The following CCNE2 variants were observed in gnomAD, a reference collection of about 807,000 sequenced individuals.
CCNE2 encodes the protein G1/S-specific cyclin-E2.
CCNE2 carries 18 observed loss-of-function variants against 56.8 expected under a neutral mutation model. The ratio of observed to expected loss-of-function variants is 0.32; its 90% CI spans 0.22 to 0.47. The LOEUF (loss-of-function observed/expected upper bound fraction) is 0.47. Ranked by LOEUF, CCNE2 falls within the 20% of genes least tolerant of loss-of-function variation. CCNE2 has a pLI of 1.00. For synonymous variants in CCNE2, 139 were observed against 149.2 expected (o/e 0.93, Z 0.50); for missense variants, 371 against 467.1 (o/e 0.79, Z 1.90).
intron 5 of CCNE2, among the ~76,000 whole-genome samples, 193 bp from the exon 6 acceptor site, chr8:94,890,743 G>A (rs1280492292): frequency 6.6e-6 from 1 of 151,776 alleles, no homozygotes; most frequent in East Asian, 1.9e-4. Context: ...ACAGGTGCCT[G>A]CCACCAAGCC....
upstream of CCNE2, chr8:94,896,602 C>G (rs1020619678): frequency 6.6e-6 from 1 of 152,006 alleles, no homozygotes; most frequent in African/African-American, 2.4e-5. Context: ...CGCGGTAGCT[C>G]GGGCGGGCCG....
chr8:94,882,893 C>CT lies in CCNE2; in HGVS notation c.832-2dup, dbSNP rs1255544789. On this transcript the variant is annotated splice_acceptor_variant, in intron 9 of 11. Coordinates refer to ENST00000308108, the MANE Select transcript of CCNE2 (RefSeq NM_057749.3). LOFTEE classifies it high-confidence loss of function. ...TGGCTAGAATACACAGATCTAAAAG[C>CT]TAACAGGAAAAACAAAAGTACAAGC... 5 of 1,597,502 alleles carry CT rather than the reference C, an allele frequency of 3.1e-6. No individual in the cohort carries two copies. The highest frequency in any genetic ancestry group is 4.3e-6 in the Non-Finnish European group (5 of 1,165,852).
Position 94,885,206 on chromosome 8 carries a change from T to G in CCNE2, c.697-5A>C. 2 of 1,612,836 alleles carry G rather than the reference T, an allele frequency of 1.2e-6. No individual in the cohort carries two copies. The highest frequency in any genetic ancestry group is 1.7e-6 in the Non-Finnish European group (2 of 1,179,272). ...ACAAAGTTCCCATTTTAAAGCCTATTAAACAAAATTTAAAAATGCCTGTTA... is the reference window on the plus strand; with the variant it reads ...ACAAAGTTCCCATTTTAAAGCCTATGAAACAAAATTTAAAAATGCCTGTTA... On this transcript the variant is annotated splice_region_variant and splice_polypyrimidine_tract_variant and intron_variant, in intron 8 of 11. Coordinates refer to ENST00000308108, the MANE Select transcript of CCNE2 (RefSeq NM_057749.3).
chr8:94,885,701 G>T, intron 7 of CCNE2, 143 bp from the exon 8 acceptor site: 1 of 372,840 alleles, frequency 2.7e-6, no homozygotes, highest in Non-Finnish European at 4.9e-6. Context: ...GGAGAAATAA[G>T]CAAAGACAAA....
At chr8:94,894,616 C>T (rs1476661363) in intron 1 of CCNE2, 3 of 207,762 alleles carry the variant, frequency 1.4e-5, no homozygotes, top group Admixed American at 1.1e-4. Context: ...CCCTCCTGGA[C>T]CAGCGGGGAG....
At position 94,894,072 on chromosome 8, in the gene CCNE2, G is replaced by T. The variant is rs145240380; in HGVS notation, c.62C>A (p.Ser21Tyr). ...CTGGATTATCTGGGCTTCTTGGGGG[G>T]ATTCCGTCTGGCTGGGCTGGGGCTG... is the stretch of plus-strand genomic sequence containing the variant. ...KQQPQPSQTE[S>Y]PQEAQIIQAK... The change falls in exon 3 of 12, where the codon TCC becomes TAC. Residue 21 changes from serine to tyrosine, a missense_variant. Transcript: ENST00000308108. The T allele has an allele frequency of 5.5e-5, 88 of 1,613,618 alleles. No homozygotes were observed. The highest frequency in any genetic ancestry group is 9.3e-6 in the Non-Finnish European group (11 of 1,179,812).
chr8:94,890,502 G>T lies in CCNE2; in HGVS notation c.366C>A (p.Ser122Arg). 6.3e-7 allele frequency: 1 copy of T among 1,599,692 alleles called. No individual in the cohort carries two copies. ...CAAAATGTTTGTCATGAACATATCT[G>T]CTCTCCTTTTTTAACATGTTTAGCC... ...EVWLNMLKKE[S>R]RYVHDKHFEV... Residue 122 changes from serine to arginine, a missense_variant, in exon 6 of 12, where the codon AGC becomes AGA. By Grantham distance (110) the Ser-to-Arg change is moderately radical. Coordinates refer to ENST00000308108, the MANE Select transcript of CCNE2 (RefSeq NM_057749.3).
intron 10 of CCNE2, 66 bp downstream of exon 10, chr8:94,882,715 G>T: frequency 9.4e-7 from 1 of 1,062,014 alleles, no homozygotes; most frequent in Non-Finnish European, 1.4e-6. Flanking sequence ...GAATGTTAAA[G>T]TTCAGAGACT....
intron 5 of CCNE2, 41 bp from the exon 6 acceptor site, chr8:94,890,591 ATTTTTTTTTT>A: frequency 6.5e-6 from 2 of 308,438 alleles, no homozygotes; most frequent in African/African-American, 2.8e-5. Flanking sequence ...ATATATATAT[ATTTTTTTTTT>A]TTTTTTTTTG....
At chr8:94,882,059 C>G (rs1197372914) in intron 11 of CCNE2, 73 bp downstream of exon 11, 13 of 1,421,592 alleles carry the variant, frequency 9.1e-6, no homozygotes, top group Non-Finnish European at 1.3e-5. Context: ...AAGGAGTACT[C>G]TATTCCTACC....
At chr8:94,888,503 C>T (rs927830323) in intron 6 of CCNE2, among the ~76,000 whole-genome samples, 12 of 151,788 alleles carry the variant, frequency 7.9e-5, no homozygotes, top group Non-Finnish European at 1.6e-4. Flanking sequence ...TACCATTATC[C>T]CCATTTTGGA....
At chr8:94,884,268 CTT>C (rs1009391517) in intron 9 of CCNE2, among the ~76,000 whole-genome samples, 2 of 151,748 alleles carry the variant, frequency 1.3e-5, no homozygotes, top group African/African-American at 4.8e-5. Context: ...ATTTTCTTCA[CTT>C]TTGTTATATG....
chr8:94,888,622 T>G (rs28399569), intron 6 of CCNE2, among the ~76,000 whole-genome samples: 57 of 152,206 alleles, frequency 3.7e-4, no homozygotes, highest in African/African-American at 1.3e-3. Flanking sequence ...CCTCCCAGGT[T>G]CAGGCGATTC....
intron 9 of CCNE2, among the ~76,000 whole-genome samples, chr8:94,883,430 G>C (rs184023041): frequency 6.6e-6 from 1 of 152,290 alleles, no homozygotes; most frequent in African/African-American, 2.4e-5. Context: ...TAAAAGATAA[G>C]GGAGCCAGGA....
chr8:94,894,008 T>A lies in CCNE2; in HGVS notation c.111+15A>T. On this transcript the variant is annotated intron_variant, in intron 3 of 11. Coordinates refer to ENST00000308108, the MANE Select transcript of CCNE2 (RefSeq NM_057749.3). ...AGCATGGAATTTCGTTCCTCCCTCT[T>A]TCTCCTTAAATCACCTGGGTAGTTT... The A allele has an allele frequency of 6.2e-7, 1 of 1,613,980 alleles. No homozygotes were observed. The highest frequency in any genetic ancestry group is 8.5e-7 in the Non-Finnish European group (1 of 1,179,932).
In CCNE2 at chr8:94,882,316, AG is replaced by A. The variant is rs773066507; in HGVS notation, c.944-28del. ...TAGATAGATAGAAAAAAGTTAGAAA[AG>A]CATGAAGGTTGTACATCAGAAACTA... On this transcript the variant is annotated intron_variant, in intron 10 of 11. Transcript: ENST00000308108. 5 of 1,554,786 alleles carry A rather than the reference AG, an allele frequency of 3.2e-6. No homozygotes were observed. The South Asian group carries it at 4.8e-5, about 15-fold the overall frequency.
intron 6 of CCNE2, among the ~76,000 whole-genome samples, chr8:94,889,477 GAC>G (rs2131113648): frequency 6.6e-6 from 1 of 152,278 alleles, no homozygotes; most frequent in South Asian, 2.1e-4. Flanking sequence ...ATGATCACTA[GAC>G]AGTCAGAAAA....
intron 9 of CCNE2, chr8:94,884,044 C>T: frequency 6.6e-6 from 2 of 305,230 alleles, no homozygotes; most frequent in Non-Finnish European, 1.4e-5. Context: ...ATTTGGGATG[C>T]TAGGAATTCT....
chr8:94,895,104 G>T (rs1177237166), intron 1 of CCNE2, 73 bp downstream of exon 1: 1 of 875,988 alleles, frequency 1.1e-6, no homozygotes, highest in Non-Finnish European at 1.4e-6. Context: ...TGAGGCTCCC[G>T]CCTGTGGTAA....
Sources: gnomAD v4.1 joint callset for allele counts (sites outside exome capture counted in the v4.1 genomes callset) on GRCh38, gnomAD v4.1.1 for gene constraint, MANE v1.5 for transcripts, NCBI Gene and HGNC (gene_info 2026-07-23, HGNC 2026-07-21) for gene names.